The following ARMC6 variants were observed in gnomAD, a reference collection of about 807,000 sequenced individuals.
ARMC6 encodes the protein armadillo repeat-containing protein 6.
A neutral mutation model predicts 49.2 loss-of-function variants in ARMC6; 43 were observed. The observed-to-expected ratio is 0.87, with a 90% confidence interval of 0.69 to 1.13. The LOEUF is 1.13. Among genes scored for constraint, ARMC6 ranks in the 50% most tolerant of loss-of-function variants. The pLI is 0.00. For synonymous variants in ARMC6, 262 were observed against 289.6 expected (o/e 0.90, Z 0.97); for missense variants, 627 against 682.0 (o/e 0.92, Z 0.90).
chr19:19,056,965 G>C (rs1258797913), intron 8 of ARMC6, among the ~76,000 whole-genome samples: 1 of 152,250 alleles, frequency 6.6e-6, no homozygotes, highest in Non-Finnish European at 1.5e-5. Flanking sequence ...ACCCTGGGAA[G>C]CTTCCAGGCA....
chr19:19,055,385 A>T lies in ARMC6; in HGVS notation c.1144A>T (p.Thr382Ser). Residue 382 changes from threonine to serine, a missense_variant, in exon 7 of 9, where the codon ACC (threonine) becomes TCC (serine). By Grantham distance (58) the Thr-to-Ser change is moderately conservative (BLOSUM62 1). Transcript: ENST00000535612. This position sits in a 1 kb window ranked among gnomAD's most constrained non-coding sequence, Gnocchi z 5.7. ...CGTGGCTGCTATGACCCAGCATCTG[A>T]CCAGCCCCCAGGTACCCACCTCGGG... ...SIVAAMTQHL[T>S]SPQVCEQSCA... 6.2e-7 allele frequency: 1 copy of T among 1,607,014 alleles called. No individual in the cohort carries two copies. Among genetic ancestry groups the T allele is most frequent in the Non-Finnish European group, 8.5e-7 (1 of 1,176,690 alleles).
chr19:19,052,319 C>G, intron 5 of ARMC6, 124 bp downstream of exon 5: 2 of 888,838 alleles, frequency 2.3e-6, no homozygotes, highest in South Asian at 3.5e-5. Context: ...CGCCCCTCGG[C>G]TTAGACCTGC....
intron 2 of ARMC6, 145 bp downstream of exon 2, chr19:19,034,383 A>T: frequency 9.4e-7 from 1 of 1,066,194 alleles, no homozygotes; most frequent in Non-Finnish European, 1.4e-6. Context: ...TAGATAGAGA[A>T]GGTGCGGATA....
intron 2 of ARMC6, chr19:19,037,786 T>C: frequency 1.3e-6 from 1 of 790,550 alleles, no homozygotes; most frequent in Non-Finnish European, 1.6e-6. Flanking sequence ...GTTCCTCCTT[T>C]TGTTCCAAAG....
intron 2 of ARMC6, chr19:19,040,668 T>TC: frequency 2.9e-6 from 1 of 340,192 alleles, no homozygotes; most frequent in Non-Finnish European, 5.9e-6. Context: ...TTTTTTTTTT[T>TC]GCAACATCGT....
Position 19,052,166 on chromosome 19 carries a change from G to C in ARMC6, c.824G>C (p.Gly275Ala), listed in dbSNP as rs1178826575. 4 of 1,608,800 alleles carry C rather than the reference G, an allele frequency of 2.5e-6. No individual in the cohort carries two copies. Among genetic ancestry groups the C allele is most frequent in the Admixed American group, 1.7e-5 (1 of 59,680 alleles). The change falls in exon 5 of 9, where the codon GGC becomes GCC. Residue 275 changes from glycine (G) to alanine (A), a missense_variant. Gly to Ala is a moderately conservative substitution (Grantham distance 60). Transcript: ENST00000535612. ...AAGATGATTGTGCAGGAGAACAAAGGCTTGAAGGTGCTCATCGAAGCCACC... is the reference window on the plus strand; with the variant it reads ...AAGATGATTGTGCAGGAGAACAAAGCCTTGAAGGTGCTCATCGAAGCCACC... ...HAKMIVQENK[G>A]LKVLIEATKA...
At chr19:19,034,016 A>C in intron 1 of ARMC6, 86 bp downstream of exon 1, 8 of 533,696 alleles carry the variant, frequency 1.5e-5, no homozygotes, top group East Asian at 6.6e-5. Flanking sequence ...ACCCTCGGGT[A>C]CGTGGTTTGG....
chr19:19,036,183 TC>T (rs1289492153), intron 2 of ARMC6, among the ~76,000 whole-genome samples: 4 of 152,186 alleles, frequency 2.6e-5, no homozygotes, highest in African/African-American at 9.7e-5. Context: ...TGCCTCAGCC[TC>T]CTGAGTAGCT....
At position 19,042,759 on chromosome 19, in the gene ARMC6, G is replaced by A; in HGVS notation, c.78G>A (p.Met26Ile). The A allele has an allele frequency of 6.2e-7, 1 of 1,613,870 alleles. No individual in the cohort carries two copies. The highest frequency in any genetic ancestry group is 8.5e-7 in the Non-Finnish European group (1 of 1,180,036). Residue 26 changes from methionine (M) to isoleucine (I), a missense_variant, in exon 3 of 9, where the codon ATG (methionine) becomes ATA (isoleucine). Coordinates refer to ENST00000535612, the MANE Select transcript of ARMC6 (RefSeq NM_001199196.2). Reference sequence around the variant, plus strand: ...CGCCAACATCAACACAGGCGAAGATGGTCTCCAAGCGCATTGCCCAGGAGA... The same window carrying A: ...CGCCAACATCAACACAGGCGAAGATAGTCTCCAAGCGCATTGCCCAGGAGA... ...GCTPTSTQAK[M>I]VSKRIAQETF...
chr19:19,054,097 G>A (rs1253861695), intron 5 of ARMC6, 55 bp from the exon 6 acceptor site: 1 of 1,454,276 alleles, frequency 6.9e-7, no homozygotes, highest in African/African-American at 1.5e-5. Flanking sequence ...CCAAAACAGA[G>A]GGCCCTGCGG....
intron 8 of ARMC6, among the ~76,000 whole-genome samples, chr19:19,056,301 G>A (rs1170990121): frequency 5.7e-5 from 8 of 140,384 alleles, no homozygotes; most frequent in Non-Finnish European, 1.1e-4. Context: ...TCACTCTGTC[G>A]CCCAGGCTGG....
intron 8 of ARMC6, among the ~76,000 whole-genome samples, chr19:19,056,928 C>A (rs1442269879): frequency 6.6e-6 from 1 of 152,242 alleles, no homozygotes; most frequent in Admixed American, 6.5e-5. Flanking sequence ...GCGCTTCCCA[C>A]CTGCTGTCCT....
At chr19:19,036,014 G>A (rs967484771) in intron 2 of ARMC6, among the ~76,000 whole-genome samples, 5 of 152,186 alleles carry the variant, frequency 3.3e-5, no homozygotes, top group Non-Finnish European at 7.3e-5. Flanking sequence ...TAGAGGAATA[G>A]TCATTTATGC....
intron 2 of ARMC6, among the ~76,000 whole-genome samples, chr19:19,035,742 G>A (rs939029464): frequency 2.1e-5 from 3 of 146,218 alleles, no homozygotes; most frequent in Non-Finnish European, 3.0e-5. Context: ...CTGAGAATCC[G>A]AAGTATTTGA....
intron 4 of ARMC6, among the ~76,000 whole-genome samples, chr19:19,049,059 A>AT (rs67876712): frequency 0.22 from 26,905 of 124,948 alleles, 3,505 homozygotes; most frequent in Non-Finnish European, 0.27. Flanking sequence ...GAGGACTTAG[A>AT]TTTTTTTTTT....
chr19:19,057,128 C>T (rs906518627), intron 8 of ARMC6, among the ~76,000 whole-genome samples: 1 of 152,248 alleles, frequency 6.6e-6, no homozygotes, highest in Non-Finnish European at 1.5e-5. Context: ...CTGTGCCAGC[C>T]TCGGGGGACC....
rs1282095508 is a variant in ARMC6 at position 19,052,106 on chromosome 19, T to A, written c.764T>A (p.Ile255Asn). ...CGTGTCATGACCTTCGATGACGACA[T>A]CCGTGTGCCCTTTGGCCATGCCCAC... ...ALRVMTFDDD[I>N]RVPFGHAHNH... The change falls in exon 5 of 9, where the codon ATC becomes AAC. Residue 255 changes from isoleucine to asparagine, a missense_variant. By Grantham distance (149) the Ile-to-Asn change is moderately radical. Transcript: ENST00000535612. The A allele has an allele frequency of 1.2e-6, 2 of 1,613,832 alleles. No homozygotes were observed. Among genetic ancestry groups the A allele is most frequent in the African/African-American group, 2.7e-5 (2 of 74,936 alleles).
At chr19:19,052,692 C>T (rs1033380716) in intron 5 of ARMC6, among the ~76,000 whole-genome samples, 1 of 152,214 alleles carries the variant, frequency 6.6e-6, no homozygotes, top group African/African-American at 2.4e-5. Context: ...AAGCTTCTGT[C>T]TTAACCCCTA....
chr19:19,054,283 T>G lies in ARMC6; in HGVS notation c.985T>G (p.Cys329Gly). 1 of 1,606,502 alleles carries G rather than the reference T, an allele frequency of 6.2e-7. No individual in the cohort carries two copies. The highest frequency in any genetic ancestry group is 8.5e-7 in the Non-Finnish European group (1 of 1,176,588). Residue 329 changes from cysteine to glycine, a missense_variant, in exon 6 of 9, where the codon TGC (cysteine) becomes GGC (glycine). By Grantham distance (159) the Cys-to-Gly change is radical. Coordinates refer to ENST00000535612, the MANE Select transcript of ARMC6 (RefSeq NM_001199196.2). The part of the protein sequence containing the change: ...LSILVSLLAD[C>G]NDHQMRDQSG... ...CATTCTGGTGTCCCTGCTAGCCGAC[T>G]GCAATGACCACCAGATGAGGGACCA...
Sources: gnomAD v4.1 joint callset for allele counts (sites outside exome capture counted in the v4.1 genomes callset) on GRCh38, gnomAD v4.1.1 for gene constraint, Gnocchi (gnomAD v3.1) non-coding constraint, MANE v1.5 for transcripts, NCBI Gene and HGNC (gene_info 2026-07-23, HGNC 2026-07-21) for gene names.